SMAP2: variants seen among roughly 807,000 people sequenced by gnomAD.
The protein encoded by SMAP2 is small ArfGAP2.
In SMAP2, 25 loss-of-function variants were observed where a neutral mutation model predicts 56.4. The observed-to-expected ratio is 0.44, with a 90% CI of 0.32 to 0.62. The LOEUF (loss-of-function observed/expected upper bound fraction) is 0.62. Ranked by LOEUF, SMAP2 falls within the 20% of genes least tolerant of loss-of-function variation. The pLI is 0.04. For missense variants in SMAP2, 388 were observed against 545.6 expected, an observed-to-expected ratio of 0.71 and a Z score of 2.88; for synonymous variants, 157 against 181.7, an observed-to-expected ratio of 0.86 and a Z score of 1.09.
At chr1:40,388,620 A>C (rs1644685435) in intron 1 of SMAP2, among the ~76,000 whole-genome samples, 1 of 151,928 alleles carries the variant, frequency 6.6e-6, no homozygotes, top group Non-Finnish European at 1.5e-5. Flanking sequence ...TAGCTCAGGG[A>C]TTGTAAACGC....
intron 7 of SMAP2, 93 bp from the exon 8 acceptor site, chr1:40,416,083 C>A: frequency 8.3e-7 from 1 of 1,204,966 alleles, no homozygotes; most frequent in African/African-American, 1.5e-5. Context: ...ATTCTTATTG[C>A]AGATGTTAGG....
chr1:40,362,661 C>G (rs975586111), intron 2 of SMAP2, among the ~76,000 whole-genome samples: 3 of 152,216 alleles, frequency 2.0e-5, no homozygotes, highest in East Asian at 1.9e-4. Flanking sequence ...GCCTTTTCCC[C>G]CAGTGTTCTG....
intron 7 of SMAP2, 55 bp downstream of exon 7, chr1:40,415,436 A>C (rs1268815293): frequency 8.4e-7 from 1 of 1,194,822 alleles, no homozygotes; most frequent in Admixed American, 1.7e-5. Flanking sequence ...GGTGATTTTG[A>C]TATCTTAATC....
chr1:40,364,061 G>C (rs1240494419), intron 2 of SMAP2, among the ~76,000 whole-genome samples: 2 of 152,188 alleles, frequency 1.3e-5, no homozygotes, highest in South Asian at 2.1e-4. Context: ...ATCTGGTATA[G>C]GTAAAGTGAC....
intron 1 of SMAP2, among the ~76,000 whole-genome samples, chr1:40,360,651 C>G (rs764161772): frequency 3.3e-5 from 5 of 152,202 alleles, no homozygotes; most frequent in Admixed American, 6.5e-5. Context: ...CATTCCATAG[C>G]AACAGCTGTG....
At chr1:40,399,168 A>G (rs1294343483) in intron 1 of SMAP2, among the ~76,000 whole-genome samples, 1 of 151,986 alleles carries the variant, frequency 6.6e-6, no homozygotes, top group Non-Finnish European at 1.5e-5. Context: ...TTTTTCAGAC[A>G]GAGCCTTGCT....
chr1:40,392,839 C>T (rs1448448393), intron 1 of SMAP2, among the ~76,000 whole-genome samples: 4 of 152,056 alleles, frequency 2.6e-5, no homozygotes, highest in Non-Finnish European at 5.9e-5. Flanking sequence ...GTGGCTCATG[C>T]CTGTAATCGC....
intron 1 of SMAP2, among the ~76,000 whole-genome samples, chr1:40,358,397 A>T (rs959680668): frequency 3.3e-5 from 5 of 152,164 alleles, no homozygotes; most frequent in African/African-American, 1.2e-4. Flanking sequence ...ACAAAAAATT[A>T]GCTGGGCGTG....
chr1:40,370,845 T>A (rs1644493178), upstream of SMAP2, among the ~76,000 whole-genome samples: 1 of 109,218 alleles, frequency 9.2e-6, no homozygotes, highest in Admixed American at 9.5e-5. Context: ...ACCCTAAAAC[T>A]TAAAGTATAA....
intron 1 of SMAP2, among the ~76,000 whole-genome samples, chr1:40,351,469 C>A (rs151303726): frequency 5.3e-5 from 8 of 152,160 alleles, no homozygotes; most frequent in African/African-American, 1.9e-4. Flanking sequence ...TGATTAACTC[C>A]TTGACTCCTT....
At chr1:40,401,742 C>T (rs1331989150) in intron 1 of SMAP2, among the ~76,000 whole-genome samples, 2 of 152,146 alleles carry the variant, frequency 1.3e-5, no homozygotes, top group East Asian at 1.9e-4. Context: ...TTGGATATTA[C>T]GTATATGCTT....
At chr1:40,403,229 A>C (rs577663016) in intron 1 of SMAP2, among the ~76,000 whole-genome samples, 2 of 152,280 alleles carry the variant, frequency 1.3e-5, no homozygotes, top group East Asian at 3.9e-4. Context: ...ACTCTGGCTG[A>C]GCGCGGTGGC....
At chr1:40,394,498 T>G in intron 1 of SMAP2, among the ~76,000 whole-genome samples, 1 of 152,162 alleles carries the variant, frequency 6.6e-6, no homozygotes, top group Middle Eastern at 3.2e-3. Context: ...CTTCATTGGC[T>G]TATGCAATCA....
At chr1:40,382,435 G>T (rs1393513803) in intron 1 of SMAP2, among the ~76,000 whole-genome samples, 1 of 152,206 alleles carries the variant, frequency 6.6e-6, no homozygotes, top group African/African-American at 2.4e-5. Flanking sequence ...TGCCAAGCAA[G>T]ATTCTGCATA....
At chr1:40,399,465 C>CT (rs938296905) in intron 1 of SMAP2, among the ~76,000 whole-genome samples, 90 of 145,718 alleles carry the variant, frequency 6.2e-4, no homozygotes, top group South Asian at 2.9e-3. Flanking sequence ...TGGCCCATTT[C>CT]TTTTTTTTTT....
chr1:40,416,334 T>C lies in SMAP2; in HGVS notation c.840T>C (p.Pro280=). ...SLYGSQTPQM[P]TQAMFMAPAQ... ...ATGGATCCCAGACGCCTCAAATGCC[T>C]ACTCAAGGTAGATTTCATGGGTGTC... Residue 280 remains proline (P), a synonymous_variant, in exon 8 of 10, where the codon CCT becomes CCC. Coordinates refer to ENST00000372718, the MANE Select transcript of SMAP2 (RefSeq NM_022733.3). 2 of 1,612,896 alleles carry C rather than the reference T, an allele frequency of 1.2e-6. No individual in the cohort carries two copies. The highest frequency in any genetic ancestry group is 2.2e-5 in the South Asian group (2 of 90,936).
At chr1:40,361,346 A>G (rs1644459128) in intron 1 of SMAP2, among the ~76,000 whole-genome samples, 1 of 152,158 alleles carries the variant, frequency 6.6e-6, no homozygotes, top group Non-Finnish European at 1.5e-5. Flanking sequence ...AGCAGTACCC[A>G]GGCAGGACTC....
chr1:40,416,434 G>A, intron 8 of SMAP2, 93 bp downstream of exon 8: 4 of 1,431,690 alleles, frequency 2.8e-6, no homozygotes, highest in Non-Finnish European at 3.8e-6. Flanking sequence ...CAGTTGCTTT[G>A]GGGGCCAGGA....
chr1:40,390,016 C>G (rs910981143), intron 1 of SMAP2, among the ~76,000 whole-genome samples: 3 of 151,846 alleles, frequency 2.0e-5, no homozygotes, highest in Non-Finnish European at 4.4e-5. Context: ...GCCCCACCCC[C>G]TTATGCCATA....
Sources: allele counts gnomAD v4.1 joint callset (sites outside exome capture counted in the v4.1 genomes callset), GRCh38; gene constraint gnomAD v4.1.1; transcripts MANE v1.5; gene names NCBI Gene and HGNC (gene_info 2026-07-23, HGNC 2026-07-21).